KLHL18: variants seen among roughly 807,000 people sequenced by gnomAD.
KLHL18 encodes kelch-like protein 18.
In KLHL18, 38 loss-of-function variants were observed where a neutral mutation model predicts 58.5. The ratio of observed to expected loss-of-function variants is 0.65; its 90% CI spans 0.50 to 0.85. The LOEUF is 0.85. Ranked by LOEUF, KLHL18 falls within the 40% of genes least tolerant of loss-of-function variation. The probability of loss-of-function intolerance (pLI) is 0.00; values close to 1 mark genes in which losing one functional copy is unlikely to be tolerated. For synonymous variants in KLHL18, 303 were observed against 301.9 expected (o/e 1.00, Z -0.04); for missense variants, 624 against 778.4 (o/e 0.80, Z 2.36).
chr3:47,334,148 G>A lies in KLHL18; in HGVS notation c.762-535G>A, dbSNP rs1417625055. Among the ~76,000 whole-genome samples the A allele has an allele frequency of 1.3e-5, 2 of 152,130 alleles. No individual in the cohort carries two copies. Among genetic ancestry groups the A allele is most frequent in the East Asian group, 3.9e-4 (2 of 5,192 alleles). On this transcript the variant is annotated intron_variant, in intron 5 of 9. Coordinates refer to ENST00000232766, the MANE Select transcript of KLHL18 (RefSeq NM_025010.5). This position sits in a 1 kb window ranked among gnomAD's most constrained non-coding sequence, Gnocchi z 4.7. Reference sequence around the variant, plus strand: ...AGGTAGCTAGGGCCCAGTGACCAGCGGTCTCAAGGGTGCTGTTGAGGAGTT... The same window carrying A: ...AGGTAGCTAGGGCCCAGTGACCAGCAGTCTCAAGGGTGCTGTTGAGGAGTT...
At chr3:47,296,791 CAT>C (rs768946355) in intron 1 of KLHL18, among the ~76,000 whole-genome samples, 3 of 152,122 alleles carry the variant, frequency 2.0e-5, no homozygotes, top group Non-Finnish European at 2.9e-5. Flanking sequence ...ATAAGTAAGA[CAT>C]AGAGGAGCAA....
Position 47,332,142 on chromosome 3 carries a change from G to A in KLHL18, c.601-1015G>A, listed in dbSNP as rs183632689. On this transcript the variant is annotated intron_variant, in intron 4 of 9. Coordinates refer to ENST00000232766, the MANE Select transcript of KLHL18 (RefSeq NM_025010.5). ...AGGTGGGCAGATTTGTTGAGCTCAG[G>A]AGTTTGAGACCAGCCTGGGCAACAT... Among the ~76,000 whole-genome samples the A allele has an allele frequency of 8.1e-4, 123 of 152,272 alleles. 1 individual carries two copies. Among genetic ancestry groups the A allele is most frequent in the Admixed American group, 7.9e-3 (121 of 15,298 alleles).
intron 4 of KLHL18, 146 bp from the exon 5 acceptor site, chr3:47,333,011 C>G: frequency 1.3e-6 from 1 of 741,036 alleles, no homozygotes; most frequent in Non-Finnish European, 2.2e-6. Context: ...AGAGAGAAAT[C>G]AGGGATTTCA....
At chr3:47,315,427 A>C (rs1224065290) in intron 1 of KLHL18, among the ~76,000 whole-genome samples, 1 of 152,210 alleles carries the variant, frequency 6.6e-6, no homozygotes, top group Non-Finnish European at 1.5e-5. Flanking sequence ...TGCAATATGG[A>C]ACAAAACTGA....
rs376304909 is a variant in KLHL18 at position 47,336,710 on chromosome 3, G to A, written c.1074G>A (p.Pro358=). Residue 358 remains proline, a synonymous_variant, in exon 7 of 10, where the codon CCG becomes CCA. Transcript: ENST00000232766. ...LRLSTVEAYN[P]ETDTWTRVGS... ...TGAGCACTGTGGAGGCCTACAACCC[G>A]GAGACAGACACATGGACCAGAGTGG... The A allele has an allele frequency of 2.2e-5, 35 of 1,614,098 alleles. No individual in the cohort carries two copies. Among genetic ancestry groups the A allele is most frequent in the African/African-American group, 1.1e-4 (8 of 74,924 alleles).
chr3:47,327,714 A>G (rs1195917241), intron 3 of KLHL18, among the ~76,000 whole-genome samples: 2 of 152,236 alleles, frequency 1.3e-5, no homozygotes, highest in Non-Finnish European at 2.9e-5. Flanking sequence ...TTCCAAAGCA[A>G]TGGACAGAGC....
intron 1 of KLHL18, among the ~76,000 whole-genome samples, chr3:47,318,316 G>A (rs188964984): frequency 6.6e-6 from 1 of 152,330 alleles, no homozygotes; most frequent in Admixed American, 6.5e-5. Context: ...CACTCAGGTA[G>A]CTGTAGAAGT....
Position 47,344,627 on chromosome 3 carries a change from T to A in KLHL18, c.*686T>A, listed in dbSNP as rs1704188199. On this transcript the variant is annotated 3_prime_UTR_variant, in exon 10 of 10. Coordinates refer to ENST00000232766, the MANE Select transcript of KLHL18 (RefSeq NM_025010.5). Reference sequence around the variant, plus strand: ...ATACTTGAAAGAAACTGAAGGAAATTTAAACAAAGAAACACTTGAAAGAAA... The same window carrying A: ...ATACTTGAAAGAAACTGAAGGAAATATAAACAAAGAAACACTTGAAAGAAA... 1 of 152,540 alleles carries A rather than the reference T, an allele frequency of 6.6e-6. No individual in the cohort carries two copies. Among genetic ancestry groups the A allele is most frequent in the Non-Finnish European group, 1.5e-5 (1 of 68,030 alleles). 9.4% of individuals were successfully genotyped at this position (152,540 alleles called of 1,614,324 possible). A position where few individuals can be genotyped will look rare whatever the true frequency, so the allele number is the denominator to read the frequency against.
rs1360442988 is a variant in KLHL18 at position 47,343,833 on chromosome 3, C to T, written c.1617C>T (p.Ser539=). 2 of 1,614,082 alleles carry T rather than the reference C, an allele frequency of 1.2e-6. No homozygotes were observed. Among genetic ancestry groups the T allele is most frequent in the African/African-American group, 1.3e-5 (1 of 74,920 alleles). Residue 539 remains serine, a synonymous_variant, in exon 10 of 10, where the codon AGC becomes AGT. Transcript: ENST00000232766. The stretch of plus-strand genomic sequence containing the variant: ...GCTACGACGGACAGTCAAACCTAAG[C>T]TCAGTGGAGATGTATGACCCAGAGA... ...VGGYDGQSNL[S]SVEMYDPETD...
intron 1 of KLHL18, among the ~76,000 whole-genome samples, chr3:47,301,544 G>T (rs1338961166): frequency 6.6e-6 from 1 of 152,030 alleles, no homozygotes; most frequent in Non-Finnish European, 1.5e-5. Flanking sequence ...CTTGTGTGAG[G>T]TTACCTCTGG....
intron 1 of KLHL18, among the ~76,000 whole-genome samples, chr3:47,303,885 A>G (rs1703079137): frequency 7.5e-6 from 1 of 133,600 alleles, no homozygotes; most frequent in Non-Finnish European, 1.6e-5. Context: ...ACTATGCCCA[A>G]CTAATTTTTA....
chr3:47,340,419 TTCTG>T (rs1425987556), intron 7 of KLHL18, 149 bp from the exon 8 acceptor site: 3 of 587,112 alleles, frequency 5.1e-6, no homozygotes, highest in East Asian at 2.8e-4. Context: ...ATGGGGCAGC[TTCTG>T]TCACCTCAGT....
chr3:47,322,426 A>G, intron 2 of KLHL18, 142 bp from the exon 3 acceptor site: 1 of 635,738 alleles, frequency 1.6e-6, no homozygotes, highest in Non-Finnish European at 2.3e-6. Flanking sequence ...AATGAGTTTT[A>G]GGCTGTGGTG....
At chr3:47,327,807 A>G (rs1450336537) in intron 3 of KLHL18, among the ~76,000 whole-genome samples, 1 of 152,230 alleles carries the variant, frequency 6.6e-6, no homozygotes, top group Non-Finnish European at 1.5e-5. Flanking sequence ...CCATTCATTC[A>G]GTCCTTGATG....
intron 1 of KLHL18, among the ~76,000 whole-genome samples, chr3:47,317,687 A>T (rs570829393): frequency 2.2e-4 from 34 of 152,318 alleles, no homozygotes; most frequent in Non-Finnish European, 4.4e-4. Context: ...TACAAATAAT[A>T]TTTACATAGA....
chr3:47,322,169 A>G (rs903700489), intron 2 of KLHL18, among the ~76,000 whole-genome samples: 1 of 152,250 alleles, frequency 6.6e-6, no homozygotes, highest in African/African-American at 2.4e-5. Context: ...AAATGATAGC[A>G]TATTTGCATG....
At chr3:47,311,548 C>G (rs143417923) in intron 1 of KLHL18, among the ~76,000 whole-genome samples, 1 of 151,856 alleles carries the variant, frequency 6.6e-6, no homozygotes, top group Non-Finnish European at 1.5e-5. Flanking sequence ...AAAAATTAGC[C>G]GAGCATGGTG....
chr3:47,290,702 T>G (rs1702774217), intron 1 of KLHL18, among the ~76,000 whole-genome samples: 2 of 152,144 alleles, frequency 1.3e-5, no homozygotes, highest in South Asian at 4.1e-4. Flanking sequence ...GCTCAAGCGA[T>G]CCTCCTGCTT....
At chr3:47,293,854 G>A (rs762757482) in intron 1 of KLHL18, among the ~76,000 whole-genome samples, 7 of 152,102 alleles carry the variant, frequency 4.6e-5, no homozygotes, top group Non-Finnish European at 7.3e-5. Context: ...CCATCTAGTC[G>A]TGCACAGTTG....
Sources: allele counts gnomAD v4.1 joint callset (sites outside exome capture counted in the v4.1 genomes callset), GRCh38; gene constraint gnomAD v4.1.1; non-coding constraint Gnocchi (gnomAD v3.1); transcripts MANE v1.5; gene names NCBI Gene and HGNC (gene_info 2026-07-23, HGNC 2026-07-21).